The following OARD1 variants were observed in gnomAD, a reference collection of about 807,000 sequenced individuals.
OARD1 encodes ADP-ribose glycohydrolase OARD1.
In OARD1, 19 loss-of-function variants were observed where a neutral mutation model predicts 19.7. That is an observed-to-expected ratio of 0.96 (90% CI 0.67 to 1.41). The LOEUF (loss-of-function observed/expected upper bound fraction) is 1.41. Ranked by LOEUF, OARD1 falls within the 40% of genes most tolerant of loss-of-function variation. The probability of loss-of-function intolerance (pLI) is 0.00; values close to 1 mark genes in which losing one functional copy is unlikely to be tolerated. For synonymous variants in OARD1, 70 were observed against 61.8 expected (o/e 1.13, Z -0.62); for missense variants, 190 against 183.8 (o/e 1.03, Z -0.20).
At position 41,070,881 on chromosome 6, in the gene OARD1, T is replaced by G. The variant is rs909666745; in HGVS notation, c.184+251A>C. 4.8e-5 allele frequency: 29 copies of G among 601,026 alleles called. No homozygotes were observed. The African/African-American group carries it at 5.4e-4, about 11-fold the overall frequency. 37.2% of individuals were successfully genotyped at this position (601,026 alleles called of 1,614,324 possible). On this transcript the variant is annotated intron_variant, in intron 3 of 5. Coordinates refer to ENST00000424266, the MANE Select transcript of OARD1 (RefSeq NM_001329686.2). ...ATAGACTAAGCATCTCAGAGTTATT[T>G]CAAGTTTCAGAGAAGTACAGTAATA...
At chr6:41,084,826 G>C (rs988909770) in intron 1 of OARD1, among the ~76,000 whole-genome samples, 6 of 152,178 alleles carry the variant, frequency 3.9e-5, no homozygotes, top group Non-Finnish European at 8.8e-5. Context: ...GCCGGGCGTG[G>C]TGGCACGCAC....
intron 1 of OARD1, among the ~76,000 whole-genome samples, chr6:41,078,761 ATC>A (rs1561850331): frequency 1.3e-5 from 2 of 152,196 alleles, no homozygotes; most frequent in African/African-American, 4.8e-5. Context: ...CTTAACGAGT[ATC>A]TCTTAGGTGC....
At chr6:41,069,700 G>A (rs1282336297) in intron 4 of OARD1, 1 of 263,538 alleles carries the variant, frequency 3.8e-6, no homozygotes, top group African/African-American at 2.3e-5. Flanking sequence ...TGTGCTATTT[G>A]ACATGGAATA....
At chr6:41,067,702 G>A (rs1763092544) in intron 5 of OARD1, among the ~76,000 whole-genome samples, 1 of 152,202 alleles carries the variant, frequency 6.6e-6, no homozygotes, top group Non-Finnish European at 1.5e-5. Flanking sequence ...ATTTAGAAAT[G>A]TGTAACTGTC....
upstream of OARD1, among the ~76,000 whole-genome samples, chr6:41,077,072 C>T (rs1027535198): frequency 1.3e-5 from 2 of 152,084 alleles, no homozygotes; most frequent in African/African-American, 2.4e-5. Context: ...ATATATTAGT[C>T]ATTATGTGCT....
intron 1 of OARD1, chr6:41,090,073 G>A: frequency 3.2e-6 from 2 of 615,832 alleles, no homozygotes; most frequent in East Asian, 3.0e-5. Context: ...TTGCGCCACT[G>A]CACTGCACTC....
chr6:41,079,836 C>T (rs570778150), intron 1 of OARD1, among the ~76,000 whole-genome samples: 5 of 152,204 alleles, frequency 3.3e-5, no homozygotes, highest in Admixed American at 3.3e-4. Flanking sequence ...TTTGGAAATA[C>T]TTTGTTTTCA....
chr6:41,092,788 C>A, intron 1 of OARD1: 2 of 900,122 alleles, frequency 2.2e-6, no homozygotes, highest in Non-Finnish European at 3.4e-6. Context: ...CGCATTTACC[C>A]AAGTACCCTA....
At chr6:41,071,447 C>G (rs920515640) in intron 2 of OARD1, 149 bp downstream of exon 2, 35 of 973,086 alleles carry the variant, frequency 3.6e-5, no homozygotes, top group Non-Finnish European at 5.0e-5. Flanking sequence ...ATGGATGATC[C>G]CTGCCTAGAA....
upstream of OARD1, chr6:41,072,423 C>G (rs779195583): frequency 4.1e-4 from 62 of 152,348 alleles, no homozygotes; most frequent in South Asian, 6.2e-4. Flanking sequence ...GCGGACCAGC[C>G]CAAACGCGGA....
chr6:41,091,483 C>T (rs761509498), intron 1 of OARD1: 16 of 1,590,196 alleles, frequency 1.0e-5, no homozygotes, highest in East Asian at 2.2e-5. Context: ...TCTTTCTGTT[C>T]TGTGTGCCTG....
intron 1 of OARD1, chr6:41,090,275 A>G (rs2113812915): frequency 1.2e-6 from 2 of 1,613,968 alleles, no homozygotes; most frequent in South Asian, 1.1e-5. Context: ...TCGTCTATCA[A>G]CCAGTTAATG....
At chr6:41,080,902 T>C in intron 1 of OARD1, 1 of 1,612,218 alleles carries the variant, frequency 6.2e-7, no homozygotes, top group Non-Finnish European at 8.5e-7. Context: ...CAGGTAGTGG[T>C]ACCCTCTCTG....
At chr6:41,089,390 T>C (rs958150219) in intron 1 of OARD1, among the ~76,000 whole-genome samples, 12 of 152,224 alleles carry the variant, frequency 7.9e-5, no homozygotes, top group African/African-American at 2.7e-4. Flanking sequence ...CCAGACAGTG[T>C]CGAAATTCCC....
chr6:41,086,324 C>T (rs1253146402), intron 1 of OARD1, among the ~76,000 whole-genome samples: 3 of 152,176 alleles, frequency 2.0e-5, no homozygotes, highest in Admixed American at 6.5e-5. Flanking sequence ...AGGGTTCATT[C>T]TAGCTCTAAA....
intron 1 of OARD1, among the ~76,000 whole-genome samples, chr6:41,080,468 T>C (rs1049781856): frequency 1.3e-5 from 2 of 152,210 alleles, no homozygotes; most frequent in Non-Finnish European, 2.9e-5. Flanking sequence ...CATTTTTTTC[T>C]TGTGAACTCA....
chr6:41,078,017 A>G (rs906482057), intron 1 of OARD1, among the ~76,000 whole-genome samples: 8 of 152,160 alleles, frequency 5.3e-5, no homozygotes, highest in African/African-American at 1.4e-4. Context: ...TTCTTATTCT[A>G]GAAATAAGAA....
upstream of OARD1, among the ~76,000 whole-genome samples, chr6:41,076,665 T>C (rs934845545): frequency 3.9e-5 from 6 of 152,228 alleles, no homozygotes; most frequent in Non-Finnish European, 8.8e-5. Context: ...TAAACACTTA[T>C]TATTTGTTTC....
Position 41,071,658 on chromosome 6 carries a change from A to AT in OARD1, c.-25dup, listed in dbSNP as rs1464674158. ...ATGATACTGAGTCGCTATTTCCAGAATTTAAGTGTTTCTTCAGCTATGAGA... is the reference window on the plus strand; with the variant it reads ...ATGATACTGAGTCGCTATTTCCAGAATTTTAAGTGTTTCTTCAGCTATGAGA... On this transcript the variant is annotated 5_prime_UTR_variant, in exon 2 of 6. Transcript: ENST00000424266. 6.2e-7 allele frequency: 1 copy of AT among 1,607,768 alleles called. No individual in the cohort carries two copies. The highest frequency in any genetic ancestry group is 8.5e-7 in the Non-Finnish European group (1 of 1,174,190).
Sources: gnomAD v4.1 joint callset for allele counts (sites outside exome capture counted in the v4.1 genomes callset) on GRCh38, gnomAD v4.1.1 for gene constraint, MANE v1.5 for transcripts, NCBI Gene and HGNC (gene_info 2026-07-23, HGNC 2026-07-21) for gene names.